PLCB1: variants seen among roughly 807,000 people sequenced by gnomAD.
PLCB1 encodes 1-phosphatidylinositol 4,5-bisphosphate phosphodiesterase beta-1.
In PLCB1, 46 loss-of-function variants were observed where a neutral mutation model predicts 161.8. That is an observed-to-expected ratio of 0.28 (90% CI 0.22 to 0.36). PLCB1 has a LOEUF of 0.36. Ranked by LOEUF, PLCB1 falls within the 10% of genes least tolerant of loss-of-function variation. The pLI, the probability that PLCB1 is intolerant of heterozygous loss-of-function variation, is 1.00. For synonymous variants in PLCB1, 517 were observed against 503.7 expected (o/e 1.03, Z -0.35); for missense variants, 1,016 against 1,472.5 (o/e 0.69, Z 5.07).
intron 3 of PLCB1, among the ~76,000 whole-genome samples, chr20:8,435,500 G>A (rs1568674828): frequency 6.6e-6 from 1 of 152,200 alleles, no homozygotes; most frequent in Admixed American, 6.5e-5. Context: ...GCAATAGACT[G>A]TTCTTGAAGA....
intron 3 of PLCB1, among the ~76,000 whole-genome samples, chr20:8,507,738 T>C (rs1264857781): frequency 6.6e-6 from 1 of 151,872 alleles, no homozygotes. Context: ...TGCCAGAAAG[T>C]TGGATAGAAA....
intron 3 of PLCB1, among the ~76,000 whole-genome samples, chr20:8,554,604 A>G (rs1985887538): frequency 6.6e-6 from 1 of 152,150 alleles, no homozygotes; most frequent in Non-Finnish European, 1.5e-5. Flanking sequence ...ATTGTAGAGT[A>G]CAAGAGGACT....
chr20:8,441,824 C>T (rs1490059232), intron 3 of PLCB1, among the ~76,000 whole-genome samples: 3 of 152,058 alleles, frequency 2.0e-5, no homozygotes, highest in Admixed American at 2.0e-4. Context: ...AATTTTAAAT[C>T]CTTTTAAATA....
chr20:8,272,038 A>T (rs1187543308), intron 2 of PLCB1, among the ~76,000 whole-genome samples: 1 of 152,132 alleles, frequency 6.6e-6, no homozygotes, highest in Non-Finnish European at 1.5e-5. Flanking sequence ...TATTATGCAT[A>T]GCATCACTTA....
intron 2 of PLCB1, among the ~76,000 whole-genome samples, chr20:8,279,447 G>A (rs1982767542): frequency 6.6e-6 from 1 of 152,148 alleles, no homozygotes; most frequent in Admixed American, 6.5e-5. Flanking sequence ...AAGGGACTGG[G>A]GAGAAGGAAG....
intron 9 of PLCB1, among the ~76,000 whole-genome samples, chr20:8,660,939 C>T (rs1397710976): frequency 6.6e-6 from 1 of 152,146 alleles, no homozygotes; most frequent in African/African-American, 2.4e-5. Context: ...TGCTTAACTT[C>T]TCTATGCCTT....
chr20:8,674,819 C>T (rs1198029073), intron 9 of PLCB1, among the ~76,000 whole-genome samples: 1 of 152,074 alleles, frequency 6.6e-6, no homozygotes, highest in East Asian at 1.9e-4. Flanking sequence ...CCCTTTCTTC[C>T]CTAAAGCAAA....
intron 2 of PLCB1, among the ~76,000 whole-genome samples, chr20:8,210,972 T>C (rs1978792965): frequency 6.6e-6 from 1 of 152,134 alleles, no homozygotes; most frequent in East Asian, 1.9e-4. Context: ...TCAGGATGGA[T>C]GCATGCATTC....
At chr20:8,195,873 G>A (rs1320177511) in intron 2 of PLCB1, among the ~76,000 whole-genome samples, 1 of 152,042 alleles carries the variant, frequency 6.6e-6, no homozygotes, top group Non-Finnish European at 1.5e-5. Context: ...TCTCACACTG[G>A]TGTGAAGAAA....
intron 3 of PLCB1, among the ~76,000 whole-genome samples, chr20:8,425,763 A>AT (rs1979740117): frequency 1.3e-5 from 2 of 151,896 alleles, no homozygotes; most frequent in South Asian, 2.1e-4. Context: ...GTGCAAAACA[A>AT]TTTTTTCCAC....
rs576389101 is a variant in PLCB1 at position 8,730,648 on chromosome 20, T to A, written c.1888+1474T>A. Among the ~76,000 whole-genome samples, 370 of 151,946 alleles carry A rather than the reference T, an allele frequency of 2.4e-3. 1 individual carries two copies. Among genetic ancestry groups the A allele is most frequent in the African/African-American group, 8.5e-3 (354 of 41,566 alleles). On this transcript the variant is annotated intron_variant, in intron 18 of 31. Coordinates refer to ENST00000338037, the MANE Select transcript of PLCB1 (RefSeq NM_015192.4). Reference sequence around the variant, plus strand: ...TTGACTACTAAAAAAAAACTATTTTTAAAATCATATTAACTTTATAAATTT... The same window carrying A: ...TTGACTACTAAAAAAAAACTATTTTAAAAATCATATTAACTTTATAAATTT...
At chr20:8,141,688 A>C (rs938403934) in intron 1 of PLCB1, among the ~76,000 whole-genome samples, 65 of 152,004 alleles carry the variant, frequency 4.3e-4, no homozygotes, top group Middle Eastern at 6.8e-3. Flanking sequence ...ATTCTACATC[A>C]GTCAGTCAGC....
intron 16 of PLCB1, among the ~76,000 whole-genome samples, chr20:8,725,347 T>A (rs1979877328): frequency 6.6e-6 from 1 of 152,156 alleles, no homozygotes. Context: ...GGTTCTTTTA[T>A]GAAAATGCCC....
chr20:8,204,065 C>T (rs1164118022), intron 2 of PLCB1, among the ~76,000 whole-genome samples: 3 of 152,064 alleles, frequency 2.0e-5, no homozygotes, highest in Non-Finnish European at 1.5e-5. Context: ...ATACCTAAGA[C>T]AAAATAGAAT....
intron 4 of PLCB1, among the ~76,000 whole-genome samples, chr20:8,645,835 C>T (rs1989154069): frequency 6.6e-6 from 1 of 152,086 alleles, no homozygotes. Flanking sequence ...TGAAGGGAAA[C>T]AGAGCAATTT....
intron 3 of PLCB1, chr20:8,623,885 A>T (rs1218097672): frequency 6.6e-6 from 1 of 152,146 alleles, no homozygotes; most frequent in Non-Finnish European, 1.5e-5. Context: ...CCTTCATCAC[A>T]CTCATATATA....
chr20:8,195,987 T>G (rs1208778012), intron 2 of PLCB1, among the ~76,000 whole-genome samples: 2 of 152,060 alleles, frequency 1.3e-5, no homozygotes, highest in East Asian at 1.9e-4. Context: ...GCAAGGTACC[T>G]CTTCACAGGG....
At chr20:8,386,374 C>T (rs768447594) in intron 3 of PLCB1, among the ~76,000 whole-genome samples, 2 of 152,182 alleles carry the variant, frequency 1.3e-5, no homozygotes, top group Non-Finnish European at 2.9e-5. Flanking sequence ...CCTTGTATAT[C>T]ACCATCAGAG....
At chr20:8,855,026 C>A (rs1448979239) in intron 31 of PLCB1, among the ~76,000 whole-genome samples, 4 of 152,106 alleles carry the variant, frequency 2.6e-5, no homozygotes, top group Non-Finnish European at 5.9e-5. Context: ...GATGTATGCA[C>A]AATGAATTTA....
Sources: allele counts gnomAD v4.1 joint callset (sites outside exome capture counted in the v4.1 genomes callset), GRCh38; gene constraint gnomAD v4.1.1; transcripts MANE v1.5; gene names NCBI Gene and HGNC (gene_info 2026-07-23, HGNC 2026-07-21).